SYBU: variants seen among roughly 807,000 people sequenced by gnomAD.
The protein encoded by SYBU is GOLSYN A protein.
In SYBU, 21 loss-of-function variants were observed where a neutral mutation model predicts 35.9. That is an observed-to-expected ratio of 0.58 (90% CI 0.41 to 0.84). The LOEUF is 0.84. Ranked by LOEUF, SYBU falls within the 40% of genes least tolerant of loss-of-function variation. The pLI is 0.00. For missense variants in SYBU, 768 were observed against 848.2 expected (o/e 0.91, Z 1.17); for synonymous variants, 319 against 324.3 (o/e 0.98, Z 0.18).
chr8:109,644,871 G>T (rs962188909), upstream of SYBU: 39 of 553,490 alleles, frequency 7.0e-5, 1 homozygote, highest in South Asian at 2.1e-4. Flanking sequence ...ACGTGGTGCC[G>T]CACTCGCTAG....
intron 2 of SYBU, 73 bp from the exon 3 acceptor site, chr8:109,619,112 C>T: frequency 8.4e-7 from 1 of 1,192,142 alleles, no homozygotes; most frequent in South Asian, 1.3e-5. Context: ...ATGCGGTGCA[C>T]CACACACACG....
chr8:109,664,051 A>C (rs1393161071), intron 1 of SYBU, among the ~76,000 whole-genome samples: 1 of 152,224 alleles, frequency 6.6e-6, no homozygotes, highest in Non-Finnish European at 1.5e-5. Context: ...AATTATGATA[A>C]TTTCTGGCTT....
chr8:109,632,013 AGAG>A (rs926919225), intron 2 of SYBU, among the ~76,000 whole-genome samples: 1 of 152,100 alleles, frequency 6.6e-6, no homozygotes, highest in Non-Finnish European at 1.5e-5. Context: ...AGGGAAGAAG[AGAG>A]GAGGAGAGAC....
intron 3 of SYBU, among the ~76,000 whole-genome samples, chr8:109,604,853 T>C (rs576335023): frequency 8.3e-4 from 127 of 152,314 alleles, no homozygotes; most frequent in African/African-American, 2.8e-3. Context: ...GCCTTCATCT[T>C]TCAAGAACAG....
At chr8:109,674,641 A>G (rs1586990724) in intron 1 of SYBU, among the ~76,000 whole-genome samples, 1 of 152,056 alleles carries the variant, frequency 6.6e-6, no homozygotes, top group East Asian at 1.9e-4. Context: ...AGCAAAATAA[A>G]GCAAGTTCTT....
intron 3 of SYBU, among the ~76,000 whole-genome samples, chr8:109,589,934 CTTATCTT>C (rs1824028320): frequency 6.6e-6 from 1 of 152,084 alleles, no homozygotes; most frequent in Admixed American, 6.5e-5. Context: ...CAAGCCCTCT[CTTATCTT>C]TTATCACTGC....
rs1220277198 is a variant in SYBU at position 109,599,378 on chromosome 8, G to C, written c.428-13216C>G. Among the ~76,000 whole-genome samples, 4 of 152,140 alleles carry C rather than the reference G, an allele frequency of 2.6e-5. No individual in the cohort carries two copies. In the East Asian group the frequency reaches 7.7e-4, roughly 29 times the overall value. ...TAGGGTTTTTTATGGTACAGTCTGAGGACCACCTGCATCAGTATCACCTGG... is the reference window on the plus strand; with the variant it reads ...TAGGGTTTTTTATGGTACAGTCTGACGACCACCTGCATCAGTATCACCTGG... On this transcript the variant is annotated intron_variant, in intron 3 of 6. Coordinates refer to ENST00000276646, the MANE Select transcript of SYBU (RefSeq NM_001099754.2).
At chr8:109,587,831 G>C (rs1402828866) in intron 3 of SYBU, among the ~76,000 whole-genome samples, 1 of 152,174 alleles carries the variant, frequency 6.6e-6, no homozygotes, top group Non-Finnish European at 1.5e-5. Context: ...AGATTAGCAA[G>C]GTAGTTTATC....
chr8:109,644,026 C>CCTA, intron 1 of SYBU: 2 of 449,586 alleles, frequency 4.4e-6, no homozygotes, highest in East Asian at 7.0e-5. Context: ...CGAAACATGA[C>CCTA]CTACTGTTCC....
At chr8:109,593,781 C>G (rs1361845360) in intron 3 of SYBU, among the ~76,000 whole-genome samples, 1 of 152,210 alleles carries the variant, frequency 6.6e-6, no homozygotes, top group Non-Finnish European at 1.5e-5. Flanking sequence ...ATCTCCCACA[C>G]TGACTCAGCT....
chr8:109,610,612 C>T (rs1414509564), intron 3 of SYBU, among the ~76,000 whole-genome samples: 2 of 152,236 alleles, frequency 1.3e-5, no homozygotes, highest in Non-Finnish European at 1.5e-5. Context: ...TAGATACAGG[C>T]TTAGGTGGTG....
At chr8:109,579,721 C>CT (rs879147631) in intron 5 of SYBU, 78 bp downstream of exon 5, 7,298 of 1,227,376 alleles carry the variant, frequency 5.9e-3, no homozygotes, top group Non-Finnish European at 6.8e-3. Flanking sequence ...AGTTGTATAA[C>CT]TTTTTTTTTT....
At chr8:109,650,521 G>A (rs545865024) in intron 1 of SYBU, among the ~76,000 whole-genome samples, 9 of 152,250 alleles carry the variant, frequency 5.9e-5, no homozygotes, top group African/African-American at 1.9e-4. Flanking sequence ...GTTGGTGTGG[G>A]GGTCACTGGT....
rs1811727122 is a variant in SYBU at position 109,616,002 on chromosome 8, CTTTCTTT to C, written c.427+2833_427+2839del. Among the ~76,000 whole-genome samples, 160 of 99,140 alleles carry C rather than the reference CTTTCTTT, an allele frequency of 1.6e-3. 1 individual carries two copies. Among genetic ancestry groups the C allele is most frequent in the African/African-American group, 5.5e-3 (123 of 22,294 alleles). 65.0% of individuals were successfully genotyped at this position (99,140 alleles called of 152,430 possible). On this transcript the variant is annotated intron_variant, in intron 3 of 6. Coordinates refer to ENST00000276646, the MANE Select transcript of SYBU (RefSeq NM_001099754.2). ...CCTGTAATTTCTTTTCTTTTCTTTT[CTTTCTTT>C]TTTTTTTTTTTTTTTTTTTTGAGAC...
chr8:109,643,906 C>T (rs1586928732), intron 1 of SYBU, among the ~76,000 whole-genome samples: 2 of 152,170 alleles, frequency 1.3e-5, no homozygotes, highest in African/African-American at 4.8e-5. Context: ...CACCACCACC[C>T]TGCCTTATGA....
At chr8:109,618,055 A>C (rs1222804918) in intron 3 of SYBU, among the ~76,000 whole-genome samples, 1 of 152,224 alleles carries the variant, frequency 6.6e-6, no homozygotes, top group Non-Finnish European at 1.5e-5. Context: ...GGACTCATGC[A>C]AGCCAGTAAT....
chr8:109,607,947 T>C (rs1826240550), intron 3 of SYBU: 2 of 1,534,904 alleles, frequency 1.3e-6, no homozygotes, highest in South Asian at 1.2e-5. Flanking sequence ...ATGGCAAACA[T>C]TGCCTCTGCA....
chr8:109,658,080 T>G (rs1816421078), intron 1 of SYBU, among the ~76,000 whole-genome samples: 1 of 152,188 alleles, frequency 6.6e-6, no homozygotes, highest in Non-Finnish European at 1.5e-5. Context: ...CAAAATCCCT[T>G]TCTTGATCCT....
Position 109,659,740 on chromosome 8 carries a change from A to T in SYBU, c.-129+20971T>A, listed in dbSNP as rs567195286. On this transcript the variant is annotated intron_variant, in intron 1 of 5. Coordinates refer to the SYBU transcript ENST00000408889. Reference sequence around the variant, plus strand: ...TTGTGTGCCTTTCCCCCCAAATCTTATAGGTCTTTTGCAGTTTTCTGTAAA... The same window carrying T: ...TTGTGTGCCTTTCCCCCCAAATCTTTTAGGTCTTTTGCAGTTTTCTGTAAA... 4.6e-5 allele frequency among the ~76,000 whole-genome samples: 7 copies of T among 152,190 alleles called. No individual in the cohort carries two copies. The South Asian group carries it at 1.5e-3, about 32-fold the overall frequency.
Sources: gnomAD v4.1 joint callset for allele counts (sites outside exome capture counted in the v4.1 genomes callset) on GRCh38, gnomAD v4.1.1 for gene constraint, MANE v1.5 for transcripts, NCBI Gene and HGNC (gene_info 2026-07-23, HGNC 2026-07-21) for gene names.